Variants in EFCAB11 observed in about 807,000 individuals in gnomAD.
EFCAB11 encodes the protein EF-hand calcium binding domain 11.
Under a neutral mutation model 23.0 loss-of-function variants are expected in EFCAB11, and 14 were observed. That is an observed-to-expected ratio of 0.61 (90% CI 0.40 to 0.95). The LOEUF is 0.95. Ranked by LOEUF, EFCAB11 falls within the 40% of genes least tolerant of loss-of-function variation. The pLI is 0.00. For synonymous variants in EFCAB11, 65 were observed against 66.6 expected (o/e 0.98, Z 0.11); for missense variants, 198 against 195.8 (o/e 1.01, Z -0.07).
intron 5 of EFCAB11, among the ~76,000 whole-genome samples, chr14:89,863,145 A>G (rs531964936): frequency 1.9e-4 from 29 of 152,318 alleles, no homozygotes; most frequent in South Asian, 8.3e-4. Context: ...GGAAATAACT[A>G]AAAGGGAAGA....
At chr14:89,876,023 G>C (rs191013994) in intron 5 of EFCAB11, among the ~76,000 whole-genome samples, 52 of 152,302 alleles carry the variant, frequency 3.4e-4, no homozygotes, top group Non-Finnish European at 7.2e-4. Flanking sequence ...AAAGACTGAA[G>C]GGTGAAGGTT....
intron 5 of EFCAB11, among the ~76,000 whole-genome samples, chr14:89,882,890 C>T (rs1888645458): frequency 6.6e-6 from 1 of 152,128 alleles, no homozygotes; most frequent in South Asian, 2.1e-4. Context: ...AAAAGTGGGT[C>T]CTCATGAACA....
intron 2 of EFCAB11, chr14:89,952,740 C>A (rs1018210284): frequency 2.5e-5 from 10 of 405,614 alleles, no homozygotes; most frequent in African/African-American, 1.8e-4. Flanking sequence ...GGCTTTCAAT[C>A]TGACAGAAAG....
intron 5 of EFCAB11, chr14:89,924,023 C>T (rs1428145435): frequency 3.0e-6 from 3 of 985,332 alleles, no homozygotes; most frequent in Non-Finnish European, 3.6e-6. Flanking sequence ...GGTGACAGTC[C>T]TTACCCCTAT....
At chr14:89,849,250 T>C (rs1427413272) in intron 5 of EFCAB11, among the ~76,000 whole-genome samples, 1 of 152,182 alleles carries the variant, frequency 6.6e-6, no homozygotes, top group Non-Finnish European at 1.5e-5. Context: ...TGTCTATCCC[T>C]CCACTCCACC....
intron 5 of EFCAB11, among the ~76,000 whole-genome samples, chr14:89,835,596 G>GTGTGTA (rs1229823547): frequency 1.6e-5 from 2 of 127,342 alleles, no homozygotes; most frequent in East Asian, 2.8e-4. Flanking sequence ...GTGTGTGTGT[G>GTGTGTA]TGTGTGTGTG....
chr14:89,922,627 G>C (rs1156406962), intron 5 of EFCAB11, among the ~76,000 whole-genome samples: 1 of 150,558 alleles, frequency 6.6e-6, no homozygotes, highest in Non-Finnish European at 1.5e-5. Flanking sequence ...AAAAGCCTGT[G>C]GTTTTTTTTC....
intron 3 of EFCAB11, among the ~76,000 whole-genome samples, chr14:89,949,352 C>T (rs1174304298): frequency 1.3e-5 from 2 of 151,980 alleles, no homozygotes; most frequent in Non-Finnish European, 2.9e-5. Flanking sequence ...AAATATAATG[C>T]TATATAGTTT....
intron 5 of EFCAB11, among the ~76,000 whole-genome samples, chr14:89,827,986 G>A (rs919173729): frequency 6.6e-6 from 1 of 152,092 alleles, no homozygotes; most frequent in African/African-American, 2.4e-5. Flanking sequence ...GATCACCAGA[G>A]CCACTTTTTG....
chr14:89,917,053 C>CGTGTGTGTGTGT (rs71107570), intron 5 of EFCAB11, among the ~76,000 whole-genome samples: 18 of 136,726 alleles, frequency 1.3e-4, no homozygotes, highest in African/African-American at 4.4e-4. Context: ...TGACATGCTT[C>CGTGTGTGTGTGT]GTGTGTGTGT....
chr14:89,870,015 C>A (rs1180886430), intron 5 of EFCAB11, among the ~76,000 whole-genome samples: 1 of 152,174 alleles, frequency 6.6e-6, no homozygotes, highest in East Asian at 1.9e-4. Context: ...TTTCTCCTGA[C>A]CAGATGGAAG....
chr14:89,868,173 T>C (rs1333981193), intron 5 of EFCAB11, among the ~76,000 whole-genome samples: 3 of 152,210 alleles, frequency 2.0e-5, no homozygotes, highest in African/African-American at 4.8e-5. Context: ...AGGCATGCAA[T>C]AAACACCTGT....
chr14:89,918,958 T>C (rs1008702786), intron 5 of EFCAB11, among the ~76,000 whole-genome samples: 4 of 150,298 alleles, frequency 2.7e-5, no homozygotes, highest in Non-Finnish European at 5.9e-5. Flanking sequence ...ACCAGATCTC[T>C]GCATGAAATG....
chr14:89,929,102 A>G, intron 5 of EFCAB11, among the ~76,000 whole-genome samples: 1 of 147,140 alleles, frequency 6.8e-6, no homozygotes, highest in South Asian at 2.1e-4. Context: ...GCTGGGGTGC[A>G]GGGGTGCAAC....
At chr14:89,954,079 C>A (rs1012602987) in intron 1 of EFCAB11, 78 bp from the exon 2 acceptor site, 86 of 1,266,884 alleles carry the variant, frequency 6.8e-5, no homozygotes, top group Non-Finnish European at 9.5e-5. Flanking sequence ...ACAGTTTGGA[C>A]CTCGAAAATC....
intron 5 of EFCAB11, chr14:89,924,528 G>C: frequency 6.8e-7 from 1 of 1,480,650 alleles, no homozygotes; most frequent in East Asian, 2.5e-5. Context: ...GATGGAGAAG[G>C]TTCCTAGGCA....
At chr14:89,899,434 A>G (rs1302560777) in intron 5 of EFCAB11, among the ~76,000 whole-genome samples, 1 of 152,202 alleles carries the variant, frequency 6.6e-6, no homozygotes, top group African/African-American at 2.4e-5. Context: ...TAGACTTTGG[A>G]CATGCCAAAC....
Position 89,872,870 on chromosome 14 carries a change from C to CA in EFCAB11, c.410+58670dup, listed in dbSNP as rs1888326313. 7.2e-5 allele frequency among the ~76,000 whole-genome samples: 11 copies of CA among 152,100 alleles called. No homozygotes were observed. In the South Asian group the frequency reaches 2.3e-3, roughly 32 times the overall value. On this transcript the variant is annotated intron_variant, in intron 5 of 5. Coordinates refer to ENST00000316738, the MANE Select transcript of EFCAB11 (RefSeq NM_145231.4). ...AGAGATTAGGACACACACACACACA[C>CA]ACACAGGGAAGAATATGTGAAGATA...
At chr14:89,801,870 T>A (rs1885791890) in intron 5 of EFCAB11, among the ~76,000 whole-genome samples, 1 of 152,132 alleles carries the variant, frequency 6.6e-6, no homozygotes, top group Admixed American at 6.5e-5. Context: ...GACGCACACC[T>A]ATAATCCCAG....
Sources: gnomAD v4.1 joint callset for allele counts (sites outside exome capture counted in the v4.1 genomes callset) on GRCh38, gnomAD v4.1.1 for gene constraint, MANE v1.5 for transcripts, NCBI Gene and HGNC (gene_info 2026-07-23, HGNC 2026-07-21) for gene names.